Variants in OCLN observed in about 807,000 individuals in gnomAD.
OCLN encodes the protein phosphatase 1, regulatory subunit 115.
A neutral mutation model predicts 47.9 loss-of-function variants in OCLN; 21 were observed. The ratio of observed to expected loss-of-function variants is 0.44; its 90% confidence interval spans 0.31 to 0.63. OCLN has a LOEUF of 0.63. Ranked by LOEUF, OCLN falls within the 30% of genes least tolerant of loss-of-function variation. The pLI is 0.08. For synonymous variants in OCLN, 117 were observed against 198.4 expected (o/e 0.59, Z 3.45); for missense variants, 360 against 571.0 (o/e 0.63, Z 3.77).
At chr5:69,523,401 T>C (rs974927892) in intron 4 of OCLN, among the ~76,000 whole-genome samples, 2 of 152,154 alleles carry the variant, frequency 1.3e-5, no homozygotes, top group African/African-American at 4.8e-5. Context: ...TAAATTTGGT[T>C]TTATATTAAC....
intron 3 of OCLN, among the ~76,000 whole-genome samples, chr5:69,511,292 C>T (rs1768779471): frequency 6.6e-6 from 1 of 150,792 alleles, no homozygotes; most frequent in Admixed American, 6.6e-5. Context: ...ACCGTGTTAG[C>T]CACGATGGTC....
At chr5:69,519,114 G>A (rs1475607681) in intron 4 of OCLN, among the ~76,000 whole-genome samples, 1 of 152,038 alleles carries the variant, frequency 6.6e-6, no homozygotes. Flanking sequence ...CTCCAGCCTG[G>A]GTGACAGAGT....
At chr5:69,509,926 G>A in intron 3 of OCLN, 107 bp downstream of exon 3, 1 of 864,248 alleles carries the variant, frequency 1.2e-6, no homozygotes, top group Non-Finnish European at 1.9e-6. Flanking sequence ...TTGATGACAA[G>A]GCTCCACTTC....
intron 1 of OCLN, among the ~76,000 whole-genome samples, chr5:69,500,176 G>A (rs1237220286): frequency 6.6e-6 from 1 of 152,156 alleles, no homozygotes; most frequent in Admixed American, 6.6e-5. Context: ...CCCACCAGGT[G>A]GACATAAATG....
chr5:69,511,986 G>T (rs1028432878), intron 3 of OCLN, among the ~76,000 whole-genome samples: 1 of 147,448 alleles, frequency 6.8e-6, no homozygotes, highest in East Asian at 2.0e-4. Flanking sequence ...TTGTGCCACT[G>T]CACTCCAGCC....
rs143065857 is a variant in OCLN, at chr5:69,509,670, A to G, written c.580A>G (p.Ile194Val). The change falls in exon 3 of 9, where the codon ATA (isoleucine) becomes GTA (valine). Residue 194 changes from isoleucine (I) to valine (V), a missense_variant. Around this residue, in one of 3 missense-constraint regions of OCLN, gnomAD observed 314 missense variants for 368.1 expected, o/e 0.85. Transcript: ENST00000396442. ...IMVFIATIVY[I>V]MGVNPTAQSS... ...GGTGTTTATTGCCACAATTGTCTAT[A>G]TAATGGGAGTGAACCCAACTGCTCA... is the stretch of plus-strand genomic sequence containing the variant. The G allele has an allele frequency of 1.1e-5, 18 of 1,614,236 alleles. No homozygotes were observed. In the East Asian group the frequency reaches 2.0e-4, roughly 18 times the overall value.
At chr5:69,537,161 T>C (rs1248015583) in intron 5 of OCLN, among the ~76,000 whole-genome samples, 2 of 149,162 alleles carry the variant, frequency 1.3e-5, no homozygotes, top group Admixed American at 6.7e-5. Flanking sequence ...TATATAGATA[T>C]AGAGAAGTAT....
chr5:69,519,523 G>A (rs1036420794), intron 4 of OCLN, among the ~76,000 whole-genome samples: 3 of 152,012 alleles, frequency 2.0e-5, no homozygotes, highest in South Asian at 4.2e-4. Context: ...ATGTTTGCAC[G>A]CTGCTTGGTT....
chr5:69,528,694 G>A (rs1384055017), intron 4 of OCLN, among the ~76,000 whole-genome samples: 1 of 152,180 alleles, frequency 6.6e-6, no homozygotes, highest in East Asian at 1.9e-4. Flanking sequence ...CTTTGAGCAA[G>A]TTAATTTAAC....
rs991133676 is a variant in OCLN, at chr5:69,492,812, G to C, written c.-157G>C. On this transcript the variant is annotated 5_prime_UTR_variant, in exon 1 of 9. Transcript: ENST00000396442. ...CCCAGTCCCCGGCTGAGCGCTGGCG[G>C]TCGGTGCGGCGTCAGGTGCGCCCGC... The C allele has an allele frequency of 1.3e-5, 2 of 152,586 alleles. No individual in the cohort carries two copies. Among genetic ancestry groups the C allele is most frequent in the Non-Finnish European group, 2.9e-5 (2 of 68,362 alleles). The allele number at this position is 152,586 out of a possible 1,614,324, so 9.5% of individuals were successfully genotyped here. A position where few individuals can be genotyped will look rare whatever the true frequency, so the allele number is the denominator to read the frequency against.
At chr5:69,496,064 C>T (rs1768279293) in intron 1 of OCLN, among the ~76,000 whole-genome samples, 1 of 151,722 alleles carries the variant, frequency 6.6e-6, no homozygotes, top group Non-Finnish European at 1.5e-5. Context: ...AATGATGTGC[C>T]TGTAGTCTAA....
At chr5:69,518,272 C>G (rs1769032849) in intron 4 of OCLN, among the ~76,000 whole-genome samples, 1 of 152,144 alleles carries the variant, frequency 6.6e-6, no homozygotes, top group Admixed American at 6.5e-5. Context: ...TTGTTTCTCT[C>G]TAGTAACAAG....
chr5:69,525,585 C>T (rs1769257534), intron 4 of OCLN, among the ~76,000 whole-genome samples: 1 of 152,076 alleles, frequency 6.6e-6, no homozygotes, highest in Non-Finnish European at 1.5e-5. Context: ...TGTGTTTTCT[C>T]TTCTACTTTT....
At position 69,509,406 on chromosome 5, in the gene OCLN, T is replaced by C. The variant is rs765225540; in HGVS notation, c.316T>C (p.Tyr106His). The C allele has an allele frequency of 3.7e-6, 6 of 1,614,152 alleles. No homozygotes were observed. Among genetic ancestry groups the C allele is most frequent in the Non-Finnish European group, 5.1e-6 (6 of 1,180,024 alleles). Residue 106 changes from tyrosine (Y) to histidine (H), a missense_variant, in exon 3 of 9, where the codon TAT becomes CAT. Around this residue, in one of 3 missense-constraint regions of OCLN, gnomAD observed 314 missense variants for 368.1 expected, o/e 0.85. Coordinates refer to ENST00000396442, the MANE Select transcript of OCLN (RefSeq NM_001205254.2). ...SLLGGSVGYP[Y>H]GGSGFGSYGS... ...TTTAGGAGGTAGTGTAGGCTACCCT[T>C]ATGGAGGAAGTGGCTTTGGTAGCTA...
At chr5:69,519,793 G>A (rs959807509) in intron 4 of OCLN, among the ~76,000 whole-genome samples, 19 of 152,052 alleles carry the variant, frequency 1.2e-4, no homozygotes, top group Non-Finnish European at 2.6e-4. Flanking sequence ...TTCAAGTCCT[G>A]TAGTCGGTGG....
Position 69,509,479 on chromosome 5 carries a change from G to A in OCLN, c.389G>A (p.Gly130Asp), listed in dbSNP as rs1330227470. ...YGYGYGYGYGGYTDPRAAKGF... is the reference protein window; with the variant it reads ...YGYGYGYGYGDYTDPRAAKGF... ...TATGGTTATGGCTATGGCTACGGAGGCTATACAGACCCAAGAGCAGCAAAG... is the reference window on the plus strand; with the variant it reads ...TATGGTTATGGCTATGGCTACGGAGACTATACAGACCCAAGAGCAGCAAAG... The change falls in exon 3 of 9, where the codon GGC (glycine) becomes GAC (aspartate). Residue 130 changes from glycine (G) to aspartate (D), a missense_variant. Gly to Asp is a moderately conservative substitution (Grantham distance 94, BLOSUM62 -1). Coordinates refer to ENST00000396442, the MANE Select transcript of OCLN (RefSeq NM_001205254.2). 2 of 1,614,156 alleles carry A rather than the reference G, an allele frequency of 1.2e-6. No homozygotes were observed. Among genetic ancestry groups the A allele is most frequent in the South Asian group, 2.2e-5 (2 of 91,088 alleles).
Position 69,555,583 on chromosome 5 carries a change from G to A in OCLN, c.*1912G>A, listed in dbSNP as rs1264563847. On this transcript the variant is annotated 3_prime_UTR_variant, in exon 9 of 9. Transcript: ENST00000396442. Reference sequence around the variant, plus strand: ...TGTGCCCGGCCTATAATTTTTGATAGATGATTTTGAATTATTTTCCAGAGA... The same window carrying A: ...TGTGCCCGGCCTATAATTTTTGATAAATGATTTTGAATTATTTTCCAGAGA... 2 of 151,990 alleles carry A rather than the reference G, an allele frequency of 1.3e-5. No individual in the cohort carries two copies. The highest frequency in any genetic ancestry group is 2.9e-5 in the Non-Finnish European group (2 of 68,002). 9.4% of individuals were successfully genotyped at this position (151,990 alleles called of 1,614,324 possible). A position where few individuals can be genotyped will look rare whatever the true frequency, so the allele number is the denominator to read the frequency against.
rs992396151 is a variant in OCLN, at chr5:69,493,715, G to A, written c.-69+815G>A. ...GAGCGCCTCGGTGCGCACGGAAGCCGGGACCCGCGCCCAGCCGGGCCACGG... is the reference window on the plus strand; with the variant it reads ...GAGCGCCTCGGTGCGCACGGAAGCCAGGACCCGCGCCCAGCCGGGCCACGG... On this transcript the variant is annotated intron_variant, in intron 1 of 8. Coordinates refer to ENST00000396442, the MANE Select transcript of OCLN (RefSeq NM_001205254.2). This position sits in a 1 kb window ranked among gnomAD's most constrained non-coding sequence, Gnocchi z 5.3. 6.6e-6 allele frequency among the ~76,000 whole-genome samples: 1 copy of A among 152,180 alleles called. No individual in the cohort carries two copies. Among genetic ancestry groups the A allele is most frequent in the South Asian group, 2.1e-4 (1 of 4,830 alleles).
At chr5:69,527,918 C>T (rs1769325895) in intron 4 of OCLN, among the ~76,000 whole-genome samples, 1 of 152,058 alleles carries the variant, frequency 6.6e-6, no homozygotes, top group East Asian at 1.9e-4. Context: ...ATTTATAGTT[C>T]TCATTGGTCT....
Sources: gnomAD v4.1 joint callset for allele counts (sites outside exome capture counted in the v4.1 genomes callset) on GRCh38, gnomAD v4.1.1 for gene constraint, gnomAD v4.1.1 regional missense constraint, Gnocchi (gnomAD v3.1) non-coding constraint, MANE v1.5 for transcripts, NCBI Gene and HGNC (gene_info 2026-07-23, HGNC 2026-07-21) for gene names.